RAP1GDS1: variants seen among roughly 807,000 people sequenced by gnomAD.
RAP1GDS1 encodes RAP1, GTP-GDP dissociation stimulator 1.
RAP1GDS1 carries 35 observed loss-of-function variants against 71.1 expected under a neutral mutation model. The observed-to-expected ratio is 0.49, with a 90% CI of 0.38 to 0.65. The LOEUF (loss-of-function observed/expected upper bound fraction) is 0.65, where lower values mean the gene tolerates loss of function less well. Among genes scored for constraint, RAP1GDS1 ranks in the 30% least tolerant of loss-of-function variants. The pLI is 0.00. For missense variants in RAP1GDS1, 663 were observed against 706.1 expected (o/e 0.94, Z 0.69); for synonymous variants, 229 against 243.1 (o/e 0.94, Z 0.54).
At chr4:98,344,613 T>C (rs1158661072) in intron 3 of RAP1GDS1, among the ~76,000 whole-genome samples, 1 of 152,164 alleles carries the variant, frequency 6.6e-6, no homozygotes, top group East Asian at 1.9e-4. Context: ...TTTCTTACAG[T>C]AATACTCTAG....
intron 2 of RAP1GDS1, among the ~76,000 whole-genome samples, chr4:98,308,982 G>A (rs1729808316): frequency 6.6e-6 from 1 of 152,002 alleles, no homozygotes; most frequent in Admixed American, 6.6e-5. Flanking sequence ...ATATCTGTGT[G>A]CCTTTAAATT....
At chr4:98,346,705 C>T (rs75104656) in intron 3 of RAP1GDS1, among the ~76,000 whole-genome samples, 3 of 152,030 alleles carry the variant, frequency 2.0e-5, no homozygotes, top group Non-Finnish European at 4.4e-5. Context: ...CCACCACACC[C>T]GGCTAATTTT....
intron 4 of RAP1GDS1, among the ~76,000 whole-genome samples, chr4:98,366,800 G>A (rs931547065): frequency 6.6e-6 from 1 of 152,118 alleles, no homozygotes; most frequent in Non-Finnish European, 1.5e-5. Context: ...ATGATTTAAG[G>A]TATCTGGCAG....
chr4:98,323,663 G>A (rs1481858904), intron 2 of RAP1GDS1, among the ~76,000 whole-genome samples: 2 of 130,342 alleles, frequency 1.5e-5, no homozygotes, highest in African/African-American at 5.9e-5. Flanking sequence ...CAGAGCCAAA[G>A]ACAAAAACCA....
chr4:98,437,156 G>T, intron 14 of RAP1GDS1, 88 bp downstream of exon 14: 3 of 1,304,504 alleles, frequency 2.3e-6, no homozygotes, highest in Non-Finnish European at 3.0e-6. Context: ...ATGGTTTTGG[G>T]TTTTAAAGCC....
intron 2 of RAP1GDS1, among the ~76,000 whole-genome samples, chr4:98,295,989 T>C (rs917409376): frequency 1.3e-5 from 2 of 151,834 alleles, no homozygotes; most frequent in African/African-American, 2.4e-5. Flanking sequence ...AATGTAAAAT[T>C]ATAAAACATT....
In RAP1GDS1 at chr4:98,282,576, ATT is replaced by A. The variant is rs61020374; in HGVS notation, c.5-10817_5-10816del. Among the ~76,000 whole-genome samples, 832 of 133,538 alleles carry A rather than the reference ATT, an allele frequency of 6.2e-3. 10 individuals are homozygous for A. The highest frequency in any genetic ancestry group is 0.019 in the African/African-American group (725 of 37,400). 87.6% of individuals were successfully genotyped at this position (133,538 alleles called of 152,430 possible). On this transcript the variant is annotated intron_variant, in intron 1 of 14. Transcript: ENST00000408927. ...AAAAAACCAGCTCCTGGATTCATTGATTTTTTTTTTTTTTTTGAAGGGTTTTT... is the reference window on the plus strand; with the variant it reads ...AAAAAACCAGCTCCTGGATTCATTGATTTTTTTTTTTTTTGAAGGGTTTTT...
At chr4:98,324,310 A>G (rs1732546638) in intron 2 of RAP1GDS1, among the ~76,000 whole-genome samples, 1 of 152,086 alleles carries the variant, frequency 6.6e-6, no homozygotes, top group African/African-American at 2.4e-5. Flanking sequence ...GCTCATGGGT[A>G]GGAAGAATCA....
At chr4:98,304,444 T>A (rs914752713) in intron 2 of RAP1GDS1, among the ~76,000 whole-genome samples, 5 of 152,172 alleles carry the variant, frequency 3.3e-5, no homozygotes, top group Non-Finnish European at 7.3e-5. Context: ...TCTCTAATGA[T>A]CAGTGATGTT....
chr4:98,319,546 C>T (rs1004340152), intron 2 of RAP1GDS1, among the ~76,000 whole-genome samples: 7 of 151,780 alleles, frequency 4.6e-5, no homozygotes, highest in South Asian at 2.1e-4. Flanking sequence ...TTTGGGAGGC[C>T]GGGGTGAGCA....
chr4:98,336,813 C>CT (rs373604075), intron 2 of RAP1GDS1, among the ~76,000 whole-genome samples: 22 of 152,134 alleles, frequency 1.4e-4, no homozygotes, highest in African/African-American at 5.3e-4. Context: ...TCTCATTTTT[C>CT]TGGCCCTTAC....
At chr4:98,398,830 C>G (rs1389726093) in intron 6 of RAP1GDS1, among the ~76,000 whole-genome samples, 1 of 152,032 alleles carries the variant, frequency 6.6e-6, no homozygotes, top group Non-Finnish European at 1.5e-5. Flanking sequence ...ATCCTATTTA[C>G]AATAGCTATA....
intron 7 of RAP1GDS1, among the ~76,000 whole-genome samples, chr4:98,415,078 G>C (rs2110178699): frequency 6.6e-6 from 1 of 152,068 alleles, no homozygotes. Context: ...TATTCCCCAG[G>C]GTATTATTAA....
At position 98,432,088 on chromosome 4, in the gene RAP1GDS1, C is replaced by A. The variant is rs145400387; in HGVS notation, c.1441-1848C>A. Among the ~76,000 whole-genome samples the A allele has an allele frequency of 4.3e-3, 654 of 152,224 alleles. 5 individuals are homozygous for A. The highest frequency in any genetic ancestry group is 0.015 in the African/African-American group (614 of 41,546). ...CTAATGCTATCCCTCCCCGCTCCCC[C>A]CATCCCACGACAGGCCCCAGTGTGT... On this transcript the variant is annotated intron_variant, in intron 12 of 14. Transcript: ENST00000408927.
At chr4:98,351,347 C>T (rs535374130) in intron 3 of RAP1GDS1, among the ~76,000 whole-genome samples, 1 of 152,200 alleles carries the variant, frequency 6.6e-6, no homozygotes, top group African/African-American at 2.4e-5. Flanking sequence ...CTGTGATTTA[C>T]AGCTATCTTA....
At chr4:98,414,312 A>C (rs1408881915) in intron 7 of RAP1GDS1, among the ~76,000 whole-genome samples, 1 of 140,522 alleles carries the variant, frequency 7.1e-6, no homozygotes, top group Non-Finnish European at 1.5e-5. Context: ...CTGAATGGTA[A>C]TGCCTAGGTT....
intron 1 of RAP1GDS1, among the ~76,000 whole-genome samples, chr4:98,291,786 G>T (rs956580226): frequency 2.0e-5 from 3 of 152,094 alleles, no homozygotes; most frequent in African/African-American, 7.2e-5. Flanking sequence ...AATGCAGAAG[G>T]GGTTGAGCCA....
Position 98,352,529 on chromosome 4 carries a change from C to A in RAP1GDS1, c.289C>A (p.Leu97Met), listed in dbSNP as rs375732186. ...TGGATTGATTTCACCACTGGTGCAG[C>A]TGCTAAATAGCAAAGACCAGGAAGT... The part of the protein sequence containing the change: ...DAGLISPLVQ[L>M]LNSKDQEVLL... Residue 97 changes from leucine (L) to methionine (M), a missense_variant, in exon 4 of 15, where the codon CTG becomes ATG. Coordinates refer to ENST00000408927, the MANE Select transcript of RAP1GDS1 (RefSeq NM_001100427.2). 1.2e-6 allele frequency: 2 copies of A among 1,613,982 alleles called. No homozygotes were observed. The highest frequency in any genetic ancestry group is 8.5e-7 in the Non-Finnish European group (1 of 1,179,904).
chr4:98,388,062 T>A (rs1402624637), intron 5 of RAP1GDS1, among the ~76,000 whole-genome samples: 1 of 152,190 alleles, frequency 6.6e-6, no homozygotes, highest in Non-Finnish European at 1.5e-5. Flanking sequence ...ATAAAAAAGA[T>A]GATCAAATGA....
Sources: allele counts gnomAD v4.1 joint callset (sites outside exome capture counted in the v4.1 genomes callset), GRCh38; gene constraint gnomAD v4.1.1; transcripts MANE v1.5; gene names NCBI Gene and HGNC (gene_info 2026-07-23, HGNC 2026-07-21).